Variants in TENM2 observed in about 807,000 individuals in gnomAD.
TENM2 encodes the protein teneurin transmembrane protein 2, also known as teneurin-2.
TENM2 carries 52 observed loss-of-function variants against 245.2 expected under a neutral mutation model. The ratio of observed to expected loss-of-function variants is 0.21; its 90% CI spans 0.17 to 0.27. The LOEUF is 0.27. Ranked by LOEUF, TENM2 falls within the 10% of genes least tolerant of loss-of-function variation. TENM2 has a pLI of 1.00. For synonymous variants in TENM2, 1,363 were observed against 1,438.9 expected (o/e 0.95, Z 1.19); for missense variants, 3,046 against 3,666.8 (o/e 0.83, Z 4.37).
At chr5:167,509,835 T>C (rs1460889395) in intron 2 of TENM2, among the ~76,000 whole-genome samples, 2 of 152,174 alleles carry the variant, frequency 1.3e-5, no homozygotes, top group Non-Finnish European at 2.9e-5. Context: ...CCAAAGGAAG[T>C]TTAAAAGCAA....
intron 2 of TENM2, among the ~76,000 whole-genome samples, chr5:167,393,990 T>C (rs1432222668): frequency 1.3e-5 from 2 of 152,224 alleles, no homozygotes; most frequent in Non-Finnish European, 2.9e-5. Flanking sequence ...TTTTCTGATA[T>C]TGAGTTGTAG....
At chr5:167,234,621 A>T in the TENM2 span, among the ~76,000 whole-genome samples, 1 of 152,294 alleles carries the variant, frequency 6.6e-6, no homozygotes, top group Admixed American at 6.5e-5. Flanking sequence ...GGCTCTTGTG[A>T]ATGAGGATGA....
At chr5:168,224,093 G>T (rs572889345) in intron 23 of TENM2, among the ~76,000 whole-genome samples, 2 of 152,292 alleles carry the variant, frequency 1.3e-5, no homozygotes, top group Admixed American at 6.5e-5. Context: ...TCCCATCAAG[G>T]AACATCTAGG....
At chr5:168,141,133 C>T (rs1447247095) in intron 12 of TENM2, among the ~76,000 whole-genome samples, 1 of 152,134 alleles carries the variant, frequency 6.6e-6, no homozygotes, top group Non-Finnish European at 1.5e-5. Context: ...TTGGGCTTTG[C>T]AGGCATGACC....
intron 4 of TENM2, among the ~76,000 whole-genome samples, chr5:167,969,959 G>A (rs537955845): frequency 3.9e-5 from 6 of 152,216 alleles, no homozygotes; most frequent in East Asian, 1.9e-4. Flanking sequence ...ACCAAACATC[G>A]TGCTATTAGG....
the TENM2 span, among the ~76,000 whole-genome samples, chr5:167,108,057 C>A: frequency 1.3e-5 from 2 of 152,216 alleles, no homozygotes; most frequent in Admixed American, 1.3e-4. Flanking sequence ...TAAGATCCCT[C>A]GTTCTCTCTG....
chr5:168,185,661 G>A (rs567811746), intron 13 of TENM2, among the ~76,000 whole-genome samples: 2 of 150,988 alleles, frequency 1.3e-5, no homozygotes, highest in African/African-American at 4.9e-5. Context: ...AAAAAAAAAT[G>A]TAAATTCTGC....
intron 2 of TENM2, among the ~76,000 whole-genome samples, chr5:167,690,061 A>T (rs1475924015): frequency 6.7e-6 from 1 of 149,668 alleles, no homozygotes; most frequent in East Asian, 2.0e-4. Context: ...AAAGAAAATC[A>T]TCTGGGAATG....
intron 1 of TENM2, among the ~76,000 whole-genome samples, chr5:167,312,393 G>A (rs184902349): frequency 2.6e-5 from 4 of 152,158 alleles, no homozygotes; most frequent in African/African-American, 9.6e-5. Context: ...CACTTGCCCC[G>A]GCTGTCAAAT....
intron 2 of TENM2, among the ~76,000 whole-genome samples, chr5:167,616,981 C>T (rs1354462734): frequency 6.6e-6 from 1 of 152,068 alleles, no homozygotes; most frequent in Non-Finnish European, 1.5e-5. Context: ...TCCCTTGTGC[C>T]TATACACATG....
In TENM2 at chr5:168,247,377, C is replaced by A; in HGVS notation, c.6438C>A (p.Ala2146=). 1 of 1,613,928 alleles carries A rather than the reference C, an allele frequency of 6.2e-7. No individual in the cohort carries two copies. Among genetic ancestry groups the A allele is most frequent in the Non-Finnish European group, 8.5e-7 (1 of 1,179,880 alleles). The change falls in exon 27 of 29, where the codon GCC becomes GCA. Residue 2146 remains alanine (A), a synonymous_variant. Coordinates refer to ENST00000518659, the Ensembl canonical transcript of TENM2. The surrounding 1 kb of genome is among the most constrained non-coding windows in gnomAD (Gnocchi z 7.8). ...ACATCAACCAGATCATCACCACTGC[C>A]GTGATGACCCTCAGCAAACACTTCG...
chr5:167,356,399 T>C (rs1759337887), intron 1 of TENM2, among the ~76,000 whole-genome samples: 1 of 151,972 alleles, frequency 6.6e-6, no homozygotes, highest in South Asian at 2.1e-4. Context: ...CAGTGGGCTT[T>C]GAAAAACTCT....
chr5:167,717,258 C>A (rs931741183), intron 2 of TENM2, among the ~76,000 whole-genome samples: 5 of 152,088 alleles, frequency 3.3e-5, no homozygotes, highest in African/African-American at 9.7e-5. Flanking sequence ...GCCCGGCCAA[C>A]TTTGGTCCTT....
chr5:167,633,197 G>A (rs565605197), intron 2 of TENM2, among the ~76,000 whole-genome samples: 1 of 152,190 alleles, frequency 6.6e-6, no homozygotes, highest in Non-Finnish European at 1.5e-5. Context: ...TACAGCCACA[G>A]CGAAGCTAAC....
chr5:167,171,189 C>G, the TENM2 span, among the ~76,000 whole-genome samples: 1 of 151,916 alleles, frequency 6.6e-6, no homozygotes, highest in Non-Finnish European at 1.5e-5. Flanking sequence ...TCCAGCCACA[C>G]TAGTCTCTTT....
chr5:167,700,687 C>A (rs977141), intron 2 of TENM2, among the ~76,000 whole-genome samples: 2 of 151,960 alleles, frequency 1.3e-5, no homozygotes, highest in African/African-American at 4.8e-5. Context: ...CCATGCTTTT[C>A]TGGGTTATAT....
At chr5:167,045,406 C>G in the TENM2 span, among the ~76,000 whole-genome samples, 95,387 of 152,030 alleles carry the variant, frequency 0.63, 32,008 homozygotes, top group African/African-American at 0.88. Flanking sequence ...TTCATAAATG[C>G]TGGCTGTCAG....
the TENM2 span, among the ~76,000 whole-genome samples, chr5:167,061,834 A>T: frequency 6.6e-6 from 1 of 151,282 alleles, no homozygotes; most frequent in Admixed American, 6.6e-5. Context: ...CTGGAGCAAA[A>T]ACGTGTTACA....
the TENM2 span, among the ~76,000 whole-genome samples, chr5:167,021,706 T>A: frequency 6.6e-6 from 1 of 152,072 alleles, no homozygotes; most frequent in Non-Finnish European, 1.5e-5. Flanking sequence ...CTAGAGCTGC[T>A]TATCTTTCAG....
Sources: allele counts gnomAD v4.1 joint callset (sites outside exome capture counted in the v4.1 genomes callset), GRCh38; gene constraint gnomAD v4.1.1; non-coding constraint Gnocchi (gnomAD v3.1); transcripts MANE v1.5; gene names NCBI Gene and HGNC (gene_info 2026-07-23, HGNC 2026-07-21).